Variants in CSMD1 observed in about 807,000 individuals in gnomAD.
The protein encoded by CSMD1 is CUB and sushi domain-containing protein 1.
In CSMD1, 213 loss-of-function variants were observed where a neutral mutation model predicts 417.5. That is an observed-to-expected ratio of 0.51 (90% CI 0.46 to 0.57). CSMD1 has a LOEUF of 0.57. Ranked by LOEUF, CSMD1 falls within the 20% of genes least tolerant of loss-of-function variation. CSMD1 has a pLI of 0.00. For synonymous variants in CSMD1, 2,862 were observed against 1,736.8 expected, an observed-to-expected ratio of 1.65 and a Z score of -16.11; for missense variants, 6,923 against 4,529.7, an observed-to-expected ratio of 1.53 and a Z score of -15.17.
intron 49 of CSMD1, among the ~76,000 whole-genome samples, chr8:3,057,202 A>T (rs2128991855): frequency 6.6e-6 from 1 of 152,326 alleles, no homozygotes; most frequent in Admixed American, 6.5e-5. Context: ...TGAGTATCAT[A>T]TATAATTTTT....
intron 3 of CSMD1, among the ~76,000 whole-genome samples, chr8:4,399,899 C>G (rs921582204): frequency 5.3e-5 from 8 of 152,146 alleles, no homozygotes; most frequent in Non-Finnish European, 8.8e-5. Context: ...TCATTTTAAG[C>G]TCTCATGAGA....
intron 3 of CSMD1, among the ~76,000 whole-genome samples, chr8:4,173,020 T>A (rs1296298089): frequency 6.6e-6 from 1 of 152,150 alleles, no homozygotes; most frequent in Non-Finnish European, 1.5e-5. Flanking sequence ...AAATGCTTGG[T>A]ATTTTAGCCC....
intron 3 of CSMD1, among the ~76,000 whole-genome samples, chr8:4,364,005 G>A (rs182277935): frequency 1.1e-4 from 16 of 152,248 alleles, no homozygotes; most frequent in African/African-American, 3.1e-4. Flanking sequence ...ACTGACTGTA[G>A]TCAATAATTT....
intron 18 of CSMD1, among the ~76,000 whole-genome samples, chr8:3,371,395 T>C (rs1025430569): frequency 6.6e-6 from 1 of 151,980 alleles, no homozygotes; most frequent in Non-Finnish European, 1.5e-5. Flanking sequence ...AGTGAATACA[T>C]GTAAGGAGCT....
intron 2 of CSMD1, among the ~76,000 whole-genome samples, chr8:4,617,301 T>C (rs539885301): frequency 1.3e-5 from 2 of 152,176 alleles, no homozygotes; most frequent in African/African-American, 4.8e-5. Flanking sequence ...GTCTATAAAC[T>C]GATACAGATA....
At chr8:3,417,198 A>G (rs1813211869) in intron 12 of CSMD1, among the ~76,000 whole-genome samples, 1 of 152,222 alleles carries the variant, frequency 6.6e-6, no homozygotes, top group Non-Finnish European at 1.5e-5. Flanking sequence ...GTTATCACAA[A>G]ATAGATGTAC....
intron 10 of CSMD1, among the ~76,000 whole-genome samples, chr8:3,528,348 A>T (rs1797839180): frequency 6.6e-6 from 1 of 152,206 alleles, no homozygotes; most frequent in Admixed American, 6.5e-5. Context: ...ACCAAAGGAA[A>T]GGTGACAGGC....
chr8:4,287,935 C>G (rs563718024), intron 3 of CSMD1, among the ~76,000 whole-genome samples: 2 of 152,020 alleles, frequency 1.3e-5, no homozygotes, highest in South Asian at 4.2e-4. Context: ...TGTTTAGTTG[C>G]AAAACTTTTC....
intron 1 of CSMD1, among the ~76,000 whole-genome samples, chr8:4,902,645 C>T (rs1585295087): frequency 6.6e-6 from 1 of 152,034 alleles, no homozygotes; most frequent in African/African-American, 2.4e-5. Flanking sequence ...CTCTTTATAA[C>T]TTTTATGGCA....
At chr8:4,974,654 C>T (rs901944754) in intron 1 of CSMD1, among the ~76,000 whole-genome samples, 1 of 152,070 alleles carries the variant, frequency 6.6e-6, no homozygotes, top group Non-Finnish European at 1.5e-5. Context: ...AGTTGGAAGG[C>T]ATGTACAAAT....
intron 3 of CSMD1, among the ~76,000 whole-genome samples, chr8:4,043,784 A>G (rs757441966): frequency 4.6e-5 from 7 of 152,176 alleles, no homozygotes; most frequent in Non-Finnish European, 1.0e-4. Context: ...GGAACGCTTT[A>G]TATATGGTAT....
intron 1 of CSMD1, among the ~76,000 whole-genome samples, chr8:4,682,040 A>G (rs897325365): frequency 6.6e-6 from 1 of 152,128 alleles, no homozygotes; most frequent in Non-Finnish European, 1.5e-5. Flanking sequence ...TTATTTTGAG[A>G]CAGGGTCTCA....
intron 4 of CSMD1, among the ~76,000 whole-genome samples, chr8:4,027,639 C>A (rs1380166772): frequency 6.6e-6 from 1 of 152,126 alleles, no homozygotes; most frequent in African/African-American, 2.4e-5. Flanking sequence ...TTATAAATTA[C>A]CCAGTCTCAG....
At chr8:4,306,600 T>A (rs537724025) in intron 3 of CSMD1, among the ~76,000 whole-genome samples, 1 of 152,248 alleles carries the variant, frequency 6.6e-6, no homozygotes, top group East Asian at 1.9e-4. Context: ...TCCTGATGCT[T>A]TCCTTCTTGG....
Position 3,003,288 on chromosome 8 carries a change from T to G in CSMD1, c.8030-3157A>C, listed in dbSNP as rs138091644. 4.8e-3 allele frequency among the ~76,000 whole-genome samples: 735 copies of G among 152,318 alleles called. 6 individuals are homozygous for G. The highest frequency in any genetic ancestry group is 0.015 in the African/African-American group (608 of 41,578). ...TATTTTAAATTTAAGATTCTATTAG[T>G]CTATGATAGTATTATTCTATATGCT... On this transcript the variant is annotated intron_variant, in intron 52 of 69. Coordinates refer to ENST00000635120, the MANE Select transcript of CSMD1 (RefSeq NM_033225.6).
At chr8:3,894,843 T>A (rs1044357797) in intron 5 of CSMD1, among the ~76,000 whole-genome samples, 4 of 152,214 alleles carry the variant, frequency 2.6e-5, no homozygotes, top group African/African-American at 7.2e-5. Context: ...TTGCTCTGGC[T>A]CTATTCTAAA....
At chr8:3,712,716 T>C (rs1339219351) in intron 6 of CSMD1, among the ~76,000 whole-genome samples, 1 of 152,190 alleles carries the variant, frequency 6.6e-6, no homozygotes, top group East Asian at 1.9e-4. Context: ...CTGTTTTGTT[T>C]TATTGTGTGG....
intron 10 of CSMD1, among the ~76,000 whole-genome samples, chr8:3,508,892 G>C (rs1332610971): frequency 6.6e-6 from 1 of 152,126 alleles, no homozygotes; most frequent in Non-Finnish European, 1.5e-5. Context: ...CATGAGACAG[G>C]AATGATCCAT....
intron 3 of CSMD1, among the ~76,000 whole-genome samples, chr8:4,040,318 A>T (rs1318179546): frequency 1.3e-5 from 2 of 152,178 alleles, no homozygotes; most frequent in African/African-American, 4.8e-5. Context: ...TCGTTTATAT[A>T]TATTGAGTAT....
Sources: allele counts gnomAD v4.1 joint callset (sites outside exome capture counted in the v4.1 genomes callset), GRCh38; gene constraint gnomAD v4.1.1; transcripts MANE v1.5; gene names NCBI Gene and HGNC (gene_info 2026-07-23, HGNC 2026-07-21).